AUTS2: variants seen among roughly 807,000 people sequenced by gnomAD.
AUTS2 encodes the protein autism susceptibility gene 2 protein.
A neutral mutation model predicts 112.4 loss-of-function variants in AUTS2; 17 were observed. That is an observed-to-expected ratio of 0.15 (90% confidence interval 0.10 to 0.23). The LOEUF is 0.23. Among genes scored for constraint, AUTS2 ranks in the 10% least tolerant of loss-of-function variants. The pLI, the probability that AUTS2 is intolerant of heterozygous loss-of-function variation, is 1.00. For missense variants in AUTS2, 1,510 were observed against 1,701.6 expected (o/e 0.89, Z 1.98); for synonymous variants, 751 against 702.7 (o/e 1.07, Z -1.09).
chr7:69,894,251 C>CA (rs1215444243), intron 1 of AUTS2, among the ~76,000 whole-genome samples: 4 of 44,046 alleles, frequency 9.1e-5, no homozygotes, highest in South Asian at 9.7e-4. Flanking sequence ...TGCCTTAAAG[C>CA]GTTTTTTTTT....
chr7:69,936,503 C>T (rs1009124572), intron 2 of AUTS2, among the ~76,000 whole-genome samples: 6 of 152,098 alleles, frequency 3.9e-5, no homozygotes, highest in African/African-American at 1.4e-4. Context: ...GTGCCCGCCA[C>T]CACACCCGGC....
chr7:70,305,120 T>C (rs983164232), intron 4 of AUTS2, among the ~76,000 whole-genome samples: 1 of 152,168 alleles, frequency 6.6e-6, no homozygotes, highest in Non-Finnish European at 1.5e-5. Flanking sequence ...GATAATACCA[T>C]AATTTACCTA....
chr7:70,665,586 C>G (rs988929630), intron 5 of AUTS2, among the ~76,000 whole-genome samples: 1 of 152,098 alleles, frequency 6.6e-6, no homozygotes, highest in Non-Finnish European at 1.5e-5. Context: ...CAGGCATGAG[C>G]CACCACACCC....
chr7:70,283,803 A>G (rs541646159), intron 4 of AUTS2, among the ~76,000 whole-genome samples: 1 of 152,226 alleles, frequency 6.6e-6, no homozygotes, highest in African/African-American at 2.4e-5. Flanking sequence ...TGGTGCAAGG[A>G]GGCAGACTGA....
At chr7:70,559,330 T>A (rs1659765507) in intron 5 of AUTS2, among the ~76,000 whole-genome samples, 1 of 151,592 alleles carries the variant, frequency 6.6e-6, no homozygotes, top group Non-Finnish European at 1.5e-5. Flanking sequence ...CTACCCTTCC[T>A]TTCTTTCTTT....
chr7:69,660,606 C>T (rs146010459), intron 1 of AUTS2, among the ~76,000 whole-genome samples: 16 of 152,120 alleles, frequency 1.1e-4, no homozygotes, highest in Non-Finnish European at 2.1e-4. Flanking sequence ...TTGGACATGG[C>T]TGTTGTAAAA....
rs1265078437 is a variant in AUTS2 at position 70,694,596 on chromosome 7, C to A, written c.691-3973C>A. On this transcript the variant is annotated intron_variant, in intron 5 of 18. Transcript: ENST00000342771. This position sits in a 1 kb window ranked among gnomAD's most constrained non-coding sequence, Gnocchi z 4.1. ...TCGCTCTTAGCTCCGCGCGCCGCGG[C>A]GGCGGCTCAGGCCGCTCTTCTCCGC... 2 of 148,830 alleles carry A rather than the reference C, an allele frequency of 1.3e-5. No individual in the cohort carries two copies. The highest frequency in any genetic ancestry group is 4.9e-5 in the African/African-American group (2 of 41,048). The allele number at this position is 148,830 out of a possible 1,614,324, so 9.2% of individuals were successfully genotyped here.
chr7:69,824,645 G>A (rs1584299194), intron 1 of AUTS2: 1 of 152,118 alleles, frequency 6.6e-6, no homozygotes, highest in East Asian at 1.9e-4. Flanking sequence ...TGGAGTGTCT[G>A]CGTTTCCTTT....
At chr7:69,773,070 C>T (rs1681844596) in intron 1 of AUTS2, among the ~76,000 whole-genome samples, 1 of 152,248 alleles carries the variant, frequency 6.6e-6, no homozygotes, top group Non-Finnish European at 1.5e-5. Flanking sequence ...AATCCCAGAC[C>T]TACTATTTAT....
rs552999067 is a variant in AUTS2, at chr7:69,781,925, A to G, written c.310-117361A>G. On this transcript the variant is annotated intron_variant, in intron 1 of 18. Coordinates refer to ENST00000342771, the MANE Select transcript of AUTS2 (RefSeq NM_015570.4). The stretch of plus-strand genomic sequence containing the variant: ...CCCTAAACATGGGCTCTCTAGCAGA[A>G]AGACTTATTAATTCCCCTTCTCTTA... 2.6e-5 allele frequency among the ~76,000 whole-genome samples: 4 copies of G among 152,282 alleles called. No homozygotes were observed. The South Asian group carries it at 8.3e-4, about 32-fold the overall frequency.
At chr7:70,333,868 G>A (rs1274259828) in intron 4 of AUTS2, among the ~76,000 whole-genome samples, 1 of 152,128 alleles carries the variant, frequency 6.6e-6, no homozygotes, top group African/African-American at 2.4e-5. Context: ...ATGATGGGTT[G>A]ATGGGTGCAG....
intron 4 of AUTS2, among the ~76,000 whole-genome samples, chr7:70,260,416 C>A (rs756625052): frequency 6.6e-6 from 1 of 151,662 alleles, no homozygotes; most frequent in Non-Finnish European, 1.5e-5. Context: ...GAATTTATTT[C>A]TGCAGTTATG....
At chr7:70,378,628 T>C (rs568501414) in intron 4 of AUTS2, among the ~76,000 whole-genome samples, 2 of 152,362 alleles carry the variant, frequency 1.3e-5, no homozygotes, top group East Asian at 3.9e-4. Flanking sequence ...GACAGGGTTC[T>C]ACTTCAGAGA....
chr7:70,110,519 AAAAT>A (rs911749905), intron 2 of AUTS2, among the ~76,000 whole-genome samples: 11 of 152,310 alleles, frequency 7.2e-5, no homozygotes, highest in African/African-American at 1.2e-4. Flanking sequence ...TCCATCTCAA[AAAAT>A]AAATAAATAA....
chr7:70,295,663 C>CT (rs1160226336), intron 4 of AUTS2, among the ~76,000 whole-genome samples: 1 of 152,166 alleles, frequency 6.6e-6, no homozygotes, highest in Non-Finnish European at 1.5e-5. Flanking sequence ...ACCTCAGGGT[C>CT]TTTCACTACC....
At chr7:70,102,557 A>G (rs2129569765) in intron 2 of AUTS2, among the ~76,000 whole-genome samples, 1 of 152,176 alleles carries the variant, frequency 6.6e-6, no homozygotes, top group African/African-American at 2.4e-5. Flanking sequence ...ACACGTACGT[A>G]TATGTATTGT....
intron 3 of AUTS2, among the ~76,000 whole-genome samples, chr7:70,133,616 C>A (rs1806390993): frequency 6.6e-6 from 1 of 152,104 alleles, no homozygotes; most frequent in South Asian, 2.1e-4. Flanking sequence ...CTGGCTGGTG[C>A]AGGGATGCTT....
intron 5 of AUTS2, among the ~76,000 whole-genome samples, chr7:70,548,019 T>G (rs2129517059): frequency 6.6e-6 from 1 of 152,330 alleles, no homozygotes; most frequent in Non-Finnish European, 1.5e-5. Context: ...AGTTTGTATT[T>G]CTCTAAGGAT....
At chr7:69,976,559 T>C (rs1213414319) in intron 2 of AUTS2, among the ~76,000 whole-genome samples, 1 of 152,216 alleles carries the variant, frequency 6.6e-6, no homozygotes, top group Non-Finnish European at 1.5e-5. Context: ...GTGTTTTCTA[T>C]AGCAGTTGCA....
Sources: allele counts gnomAD v4.1 joint callset (sites outside exome capture counted in the v4.1 genomes callset), GRCh38; gene constraint gnomAD v4.1.1; non-coding constraint Gnocchi (gnomAD v3.1); transcripts MANE v1.5; gene names NCBI Gene and HGNC (gene_info 2026-07-23, HGNC 2026-07-21).